The following PPFIA2 variants were observed in gnomAD, a reference collection of about 807,000 sequenced individuals.
The protein encoded by PPFIA2 is liprin-alpha-2.
Under a neutral mutation model 175.5 loss-of-function variants are expected in PPFIA2, and 46 were observed. That is an observed-to-expected ratio of 0.26 (90% CI 0.21 to 0.34). The LOEUF is 0.34. PPFIA2 is among the 10% of genes least tolerant of loss of function. The pLI is 1.00. For synonymous variants in PPFIA2, 568 were observed against 511.4 expected (o/e 1.11, Z -1.49); for missense variants, 1,179 against 1,506.1 (o/e 0.78, Z 3.60).
At chr12:81,577,677 T>C in intron 4 of PPFIA2, among the ~76,000 whole-genome samples, 1 of 151,820 alleles carries the variant, frequency 6.6e-6, no homozygotes, top group Non-Finnish European at 1.5e-5. Flanking sequence ...GGTGCAAAGA[T>C]AAATTGGGTG....
chr12:81,571,641 C>T (rs2072568270), intron 4 of PPFIA2, among the ~76,000 whole-genome samples: 2 of 152,136 alleles, frequency 1.3e-5, no homozygotes, highest in Admixed American at 1.3e-4. Flanking sequence ...TAGGACAGAA[C>T]ACACAGGGTA....
At chr12:81,418,698 T>A (rs2045745376) in intron 7 of PPFIA2, among the ~76,000 whole-genome samples, 1 of 151,858 alleles carries the variant, frequency 6.6e-6, no homozygotes, top group South Asian at 2.1e-4. Flanking sequence ...CTTGTCTATC[T>A]CTTTAAGGAA....
chr12:81,700,568 G>A (rs2076373125), intron 3 of PPFIA2, among the ~76,000 whole-genome samples: 1 of 151,954 alleles, frequency 6.6e-6, no homozygotes, highest in South Asian at 2.1e-4. Context: ...ATATGGTTCT[G>A]GGAAATGTGT....
chr12:81,716,862 C>T (rs1337809635), intron 3 of PPFIA2, among the ~76,000 whole-genome samples: 1 of 151,280 alleles, frequency 6.6e-6, no homozygotes, highest in Non-Finnish European at 1.5e-5. Flanking sequence ...ATAAATGTTA[C>T]CAGCTAGACA....
intron 4 of PPFIA2, among the ~76,000 whole-genome samples, chr12:81,524,624 T>C (rs1594468687): frequency 6.6e-6 from 1 of 152,332 alleles, no homozygotes; most frequent in Non-Finnish European, 1.5e-5. Flanking sequence ...TTGAGTCTCA[T>C]CCATATCTGA....
rs149092134 is a variant in PPFIA2, at chr12:81,507,656, C to T, written c.304-49790G>A. On this transcript the variant is annotated intron_variant, in intron 4 of 32. Transcript: ENST00000549396. ...TAGCAACCATGCTGGTCTGAGTCAT[C>T]TTTATCTTTCCTCTCAATTACTGTA... 6.6e-5 allele frequency among the ~76,000 whole-genome samples: 10 copies of T among 152,290 alleles called. No individual in the cohort carries two copies. The East Asian group carries it at 1.9e-3, about 29-fold the overall frequency.
intron 7 of PPFIA2, among the ~76,000 whole-genome samples, chr12:81,437,271 C>T (rs1165213728): frequency 6.6e-6 from 1 of 152,162 alleles, no homozygotes; most frequent in Non-Finnish European, 1.5e-5. Flanking sequence ...GCTGTGTTGC[C>T]TAGGCTGGAG....
intron 3 of PPFIA2, among the ~76,000 whole-genome samples, chr12:81,685,236 A>T (rs941861366): frequency 6.6e-6 from 1 of 152,076 alleles, no homozygotes; most frequent in African/African-American, 2.4e-5. Flanking sequence ...AAGCATCCAA[A>T]TAATGAAGCT....
At chr12:81,649,012 A>C (rs1221938245) in intron 4 of PPFIA2, among the ~76,000 whole-genome samples, 1 of 152,072 alleles carries the variant, frequency 6.6e-6, no homozygotes, top group Non-Finnish European at 1.5e-5. Flanking sequence ...AGCTAAATTC[A>C]TAGATTCTAA....
intron 4 of PPFIA2, among the ~76,000 whole-genome samples, chr12:81,600,608 C>T (rs893695200): frequency 1.3e-5 from 2 of 151,860 alleles, no homozygotes; most frequent in African/African-American, 4.8e-5. Context: ...TCTTAGTCCA[C>T]ATGGGATTTA....
intron 15 of PPFIA2, 129 bp downstream of exon 15, chr12:81,362,564 G>C (rs1471755354): frequency 1.9e-6 from 1 of 524,118 alleles, no homozygotes; most frequent in Non-Finnish European, 3.3e-6. Context: ...TCAGTGAAGA[G>C]TCAAAACATG....
chr12:81,636,820 A>G (rs1037238860), intron 4 of PPFIA2, among the ~76,000 whole-genome samples: 4 of 148,964 alleles, frequency 2.7e-5, no homozygotes, highest in Non-Finnish European at 6.0e-5. Flanking sequence ...GCCCAAGTAA[A>G]TTTTGTACTT....
At chr12:81,395,623 A>G (rs1358330730) in intron 8 of PPFIA2, among the ~76,000 whole-genome samples, 1 of 152,036 alleles carries the variant, frequency 6.6e-6, no homozygotes, top group Non-Finnish European at 1.5e-5. Flanking sequence ...TAATTGTCTC[A>G]AGATTCCCCT....
chr12:81,401,256 G>A (rs1324134142), intron 8 of PPFIA2, among the ~76,000 whole-genome samples: 2 of 152,044 alleles, frequency 1.3e-5, no homozygotes, highest in South Asian at 4.2e-4. Context: ...TGAAAACACA[G>A]GATTAATAAA....
chr12:81,389,416 T>C (rs1413738326), intron 8 of PPFIA2, among the ~76,000 whole-genome samples: 3 of 151,928 alleles, frequency 2.0e-5, no homozygotes, highest in Non-Finnish European at 4.4e-5. Flanking sequence ...GCTTTTAAAA[T>C]GTTAACTTTT....
intron 18 of PPFIA2, chr12:81,344,902 C>T (rs2058773632): frequency 2.2e-6 from 1 of 460,356 alleles, no homozygotes; most frequent in Non-Finnish European, 3.9e-6. Context: ...TAACATAAGT[C>T]AGATGATTGT....
chr12:81,661,107 A>G (rs1448130345), intron 4 of PPFIA2, among the ~76,000 whole-genome samples: 1 of 152,244 alleles, frequency 6.6e-6, no homozygotes. Flanking sequence ...CAAATTGTAA[A>G]GACCATCGAG....
chr12:81,408,121 T>A (rs1162151226), intron 7 of PPFIA2, among the ~76,000 whole-genome samples: 1 of 151,830 alleles, frequency 6.6e-6, no homozygotes, highest in Non-Finnish European at 1.5e-5. Flanking sequence ...ATTTGGAGTG[T>A]AAAAAAAACT....
chr12:81,532,414 T>A (rs1322310201), intron 4 of PPFIA2, among the ~76,000 whole-genome samples: 1 of 151,778 alleles, frequency 6.6e-6, no homozygotes, highest in Admixed American at 6.6e-5. Context: ...CCAGTTGCCA[T>A]GAGGTCAAGT....
Sources: allele counts gnomAD v4.1 joint callset (sites outside exome capture counted in the v4.1 genomes callset), GRCh38; gene constraint gnomAD v4.1.1; transcripts MANE v1.5; gene names NCBI Gene and HGNC (gene_info 2026-07-23, HGNC 2026-07-21).